IL6R: variants seen among roughly 807,000 people sequenced by gnomAD.
IL6R encodes the protein interleukin 6 receptor.
IL6R carries 38 observed loss-of-function variants against 48.3 expected under a neutral mutation model. The observed-to-expected ratio is 0.79, with a 90% CI of 0.61 to 1.03. IL6R has a LOEUF of 1.03. IL6R is among the 50% of genes least tolerant of loss of function. The pLI, the probability that IL6R is intolerant of heterozygous loss-of-function variation, is 0.00. For missense variants in IL6R, 534 were observed against 618.3 expected (o/e 0.86, Z 1.45); for synonymous variants, 264 against 256.2 (o/e 1.03, Z -0.29).
intron 5 of IL6R, among the ~76,000 whole-genome samples, chr1:154,435,594 G>A (rs1292266001): frequency 6.6e-6 from 1 of 152,066 alleles, no homozygotes; most frequent in Non-Finnish European, 1.5e-5. Flanking sequence ...TCGTTGCTTT[G>A]GATAAATGTT....
At chr1:154,435,508 CAA>C (rs71586014) in intron 5 of IL6R, among the ~76,000 whole-genome samples, 11 of 135,386 alleles carry the variant, frequency 8.1e-5, no homozygotes, top group Non-Finnish European at 1.1e-4. Flanking sequence ...GACTCCATGT[CAA>C]AAAAAAAAAA....
chr1:154,457,483 T>C (rs889231360), intron 9 of IL6R, among the ~76,000 whole-genome samples: 7 of 152,122 alleles, frequency 4.6e-5, no homozygotes, highest in African/African-American at 1.4e-4. Context: ...TCTGCCCTAG[T>C]GTTCTTTTCC....
intron 8 of IL6R, among the ~76,000 whole-genome samples, chr1:154,453,342 C>A (rs539952153): frequency 3.9e-5 from 6 of 152,258 alleles, no homozygotes; most frequent in African/African-American, 1.4e-4. Flanking sequence ...TTGCAGCCAG[C>A]GCCCGCTCAC....
chr1:154,444,700 C>A (rs1558321289), intron 6 of IL6R, among the ~76,000 whole-genome samples: 1 of 152,002 alleles, frequency 6.6e-6, no homozygotes. Context: ...GAGATAGAGA[C>A]CAGCCGGGCA....
chr1:154,443,519 G>C (rs1690045704), intron 6 of IL6R, among the ~76,000 whole-genome samples: 1 of 152,216 alleles, frequency 6.6e-6, no homozygotes, highest in African/African-American at 2.4e-5. Flanking sequence ...GCCACTTTGT[G>C]CAGAGCACTG....
chr1:154,415,866 C>G (rs915236886), intron 1 of IL6R, among the ~76,000 whole-genome samples: 1 of 151,998 alleles, frequency 6.6e-6, no homozygotes, highest in Admixed American at 6.6e-5. Flanking sequence ...GTAATCCCAG[C>G]TACTCCGGAG....
intron 1 of IL6R, among the ~76,000 whole-genome samples, chr1:154,411,367 GAC>G (rs1688010810): frequency 6.6e-6 from 1 of 152,132 alleles, no homozygotes; most frequent in Non-Finnish European, 1.5e-5. Flanking sequence ...GCCGCAACGA[GAC>G]AATCAAGAGA....
chr1:154,442,470 G>A (rs1689990454), intron 6 of IL6R, among the ~76,000 whole-genome samples: 1 of 152,208 alleles, frequency 6.6e-6, no homozygotes. Context: ...GAGTGGGACA[G>A]GTGGAGGCCG....
chr1:154,465,094 T>TA (rs749490819), intron 9 of IL6R, 40 bp from the exon 10 acceptor site: 13 of 1,612,004 alleles, frequency 8.1e-6, no homozygotes, highest in Non-Finnish European at 1.1e-5. Flanking sequence ...CAGGGGGAGC[T>TA]AAAAATCTGT....
At chr1:154,418,309 G>A (rs766173270) in intron 1 of IL6R, 9 of 459,854 alleles carry the variant, frequency 2.0e-5, no homozygotes, top group South Asian at 9.1e-5. Flanking sequence ...GGTCACACGC[G>A]CACGTGGGTC....
At chr1:154,447,474 T>TACACACAC (rs1195596480) in intron 6 of IL6R, among the ~76,000 whole-genome samples, 1 of 87,172 alleles carries the variant, frequency 1.1e-5, no homozygotes, top group Admixed American at 1.5e-4. Context: ...TATATATATA[T>TACACACAC]ATACACACAC....
intron 6 of IL6R, chr1:154,437,528 C>T (rs759826061): frequency 4.5e-6 from 2 of 440,162 alleles, no homozygotes; most frequent in Non-Finnish European, 9.2e-6. Context: ...ATCCTCCCGC[C>T]TCAGCCTCCT....
chr1:154,444,199 A>C (rs1378682162), intron 6 of IL6R, among the ~76,000 whole-genome samples: 1 of 150,550 alleles, frequency 6.6e-6, no homozygotes, highest in Non-Finnish European at 1.5e-5. Flanking sequence ...GACCAATTAA[A>C]GTTGCTAGCT....
intron 1 of IL6R, among the ~76,000 whole-genome samples, chr1:154,407,015 C>T (rs1687765365): frequency 1.3e-5 from 2 of 152,252 alleles, no homozygotes; most frequent in East Asian, 1.9e-4. Context: ...GCCAACCCCT[C>T]CCGTGGCTCT....
chr1:154,429,211 T>G lies in IL6R; in HGVS notation c.101T>G (p.Val34Gly), dbSNP rs2149235303. Residue 34 changes from valine to glycine, a missense_variant, in exon 2 of 10, where the codon GTG becomes GGG. Val to Gly is a moderately radical substitution (Grantham distance 109, BLOSUM62 -3). Coordinates refer to ENST00000368485, the MANE Select transcript of IL6R (RefSeq NM_000565.4). Reference protein sequence around the residue: ...RCPAQEVARGVLTSLPGDSVT... With the variant: ...RCPAQEVARGGLTSLPGDSVT... ...CCTCCTCCAGAGGTGGCGAGAGGCGTGCTGACCAGTCTGCCAGGAGACAGC... is the reference window on the plus strand; with the variant it reads ...CCTCCTCCAGAGGTGGCGAGAGGCGGGCTGACCAGTCTGCCAGGAGACAGC... 1 of 1,613,156 alleles carries G rather than the reference T, an allele frequency of 6.2e-7. No individual in the cohort carries two copies. The highest frequency in any genetic ancestry group is 1.3e-5 in the African/African-American group (1 of 75,008).
At position 154,435,077 on chromosome 1, in the gene IL6R, C is replaced by T; in HGVS notation, c.728C>T (p.Ser243Phe). ...WLSVTWQDPHSWNSSFYRLRF... is the reference protein window; with the variant it reads ...WLSVTWQDPHFWNSSFYRLRF... The stretch of plus-strand genomic sequence containing the variant: ...AGTGTCACCTGGCAAGACCCCCACT[C>T]CTGGAACTCATCTTTCTACAGACTA... The change falls in exon 5 of 10, where the codon TCC becomes TTC. Residue 243 changes from serine to phenylalanine, a missense_variant. By Grantham distance (155) the Ser-to-Phe change is radical. Coordinates refer to ENST00000368485, the MANE Select transcript of IL6R (RefSeq NM_000565.4). The T allele has an allele frequency of 6.2e-7, 1 of 1,614,166 alleles. No individual in the cohort carries two copies. The highest frequency in any genetic ancestry group is 8.5e-7 in the Non-Finnish European group (1 of 1,179,996).
intron 9 of IL6R, among the ~76,000 whole-genome samples, chr1:154,462,601 C>T (rs1280666890): frequency 6.6e-6 from 1 of 152,010 alleles, no homozygotes; most frequent in African/African-American, 2.4e-5. Flanking sequence ...TCTCGAACTC[C>T]TGACCTCGTT....
intron 3 of IL6R, among the ~76,000 whole-genome samples, chr1:154,433,439 T>A (rs1246230176): frequency 6.6e-6 from 1 of 152,240 alleles, no homozygotes; most frequent in Non-Finnish European, 1.5e-5. Flanking sequence ...GCACTTTTTG[T>A]GTCTCTGGAG....
chr1:154,413,286 C>T (rs919672702), intron 1 of IL6R, among the ~76,000 whole-genome samples: 6 of 152,254 alleles, frequency 3.9e-5, no homozygotes, highest in Admixed American at 3.9e-4. Context: ...AGGCATGGGC[C>T]ACTGTGTCCG....
Sources: gnomAD v4.1 joint callset for allele counts (sites outside exome capture counted in the v4.1 genomes callset) on GRCh38, gnomAD v4.1.1 for gene constraint, MANE v1.5 for transcripts, NCBI Gene and HGNC (gene_info 2026-07-23, HGNC 2026-07-21) for gene names.